The following CLVS2 variants were observed in gnomAD, a reference collection of about 807,000 sequenced individuals.
CLVS2 encodes clavesin 2.
CLVS2 carries 19 observed loss-of-function variants against 29.0 expected under a neutral mutation model. The ratio of observed to expected loss-of-function variants is 0.66; its 90% confidence interval spans 0.46 to 0.96. The LOEUF (loss-of-function observed/expected upper bound fraction) is 0.96, where lower values mean the gene tolerates loss of function less well. Among genes scored for constraint, CLVS2 ranks in the 40% least tolerant of loss-of-function variants. CLVS2 has a pLI of 0.00. For synonymous variants in CLVS2, 161 were observed against 151.3 expected (o/e 1.06, Z -0.47); for missense variants, 294 against 404.1 (o/e 0.73, Z 2.34).
At chr6:123,026,833 T>C (rs1475418310) in intron 3 of CLVS2, among the ~76,000 whole-genome samples, 1 of 152,138 alleles carries the variant, frequency 6.6e-6, no homozygotes, top group Non-Finnish European at 1.5e-5. Flanking sequence ...AAGATAGCCA[T>C]GAATGAAGTT....
rs1772687386 is a variant in CLVS2 at position 123,055,951 on chromosome 6, G to A, written c.821G>A (p.Ser274Asn). The change falls in exon 5 of 6, where the codon AGC becomes AAC. Residue 274 changes from serine to asparagine, a missense_variant. Ser to Asn is a conservative substitution (Grantham distance 46). This residue lies in a region of CLVS2 where 82 missense variants were observed against 67.8 expected (regional missense o/e 1.21). Transcript: ENST00000275162. ...CTAGACCATGAATATGACGATGACA[G>A]CGAGTACAATGTAGACTCCTACAGC... is the stretch of plus-strand genomic sequence containing the variant. ...TLLDHEYDDD[S>N]EYNVDSYSMP... 1.9e-6 allele frequency: 3 copies of A among 1,614,034 alleles called. No individual in the cohort carries two copies. Among genetic ancestry groups the A allele is most frequent in the South Asian group, 1.1e-5 (1 of 91,086 alleles).
intron 3 of CLVS2, among the ~76,000 whole-genome samples, chr6:123,035,906 G>A (rs933361247): frequency 1.3e-5 from 2 of 152,150 alleles, no homozygotes; most frequent in Non-Finnish European, 2.9e-5. Flanking sequence ...ATGCAACAGT[G>A]ATGTGGCTGG....
rs185828333 is a variant in CLVS2 at position 123,042,513 on chromosome 6, C to T, written c.565-6109C>T. Among the ~76,000 whole-genome samples, 169 of 152,256 alleles carry T rather than the reference C, an allele frequency of 1.1e-3. 1 individual carries two copies. The highest frequency in any genetic ancestry group is 1.9e-3 in the Non-Finnish European group (129 of 68,012). On this transcript the variant is annotated intron_variant, in intron 3 of 5. Coordinates refer to ENST00000275162, the MANE Select transcript of CLVS2 (RefSeq NM_001010852.4). The stretch of plus-strand genomic sequence containing the variant: ...GGTGGAGCTGCCTCTGTCATGTGTA[C>T]AATCCCAATTTAAACTCTTATCTCT...
intron 4 of CLVS2, among the ~76,000 whole-genome samples, chr6:123,050,191 A>G (rs1772584034): frequency 6.6e-6 from 1 of 152,184 alleles, no homozygotes; most frequent in Non-Finnish European, 1.5e-5. Context: ...ATTAATTCAT[A>G]TTTTGGAATT....
Position 123,063,829 on chromosome 6 carries a change from C to T in CLVS2, c.*68C>T. 9.5e-7 allele frequency: 1 copy of T among 1,048,962 alleles called. No individual in the cohort carries two copies. The highest frequency in any genetic ancestry group is 1.5e-6 in the Non-Finnish European group (1 of 679,740). 65.0% of individuals were successfully genotyped at this position (1,048,962 alleles called of 1,614,324 possible). The stretch of plus-strand genomic sequence containing the variant: ...TTGGTTTTCAGCAACAGGGACAACA[C>T]TGTAGAGGAATTACCAGCTGGAAAC... On this transcript the variant is annotated 3_prime_UTR_variant, in exon 6 of 6. Coordinates refer to ENST00000275162, the MANE Select transcript of CLVS2 (RefSeq NM_001010852.4).
intron 2 of CLVS2, among the ~76,000 whole-genome samples, chr6:123,005,755 C>A (rs1409370318): frequency 6.6e-6 from 1 of 152,110 alleles, no homozygotes; most frequent in South Asian, 2.1e-4. Context: ...AGGGTGCCAC[C>A]CCTCCACAGT....
intron 3 of CLVS2, among the ~76,000 whole-genome samples, chr6:123,044,608 T>C (rs1184019991): frequency 6.6e-6 from 1 of 152,034 alleles, no homozygotes; most frequent in Non-Finnish European, 1.5e-5. Context: ...ATCTACATAG[T>C]AGGTGTGAAG....
At chr6:123,027,317 G>T (rs1396325173) in intron 3 of CLVS2, among the ~76,000 whole-genome samples, 3 of 152,128 alleles carry the variant, frequency 2.0e-5, no homozygotes, top group Admixed American at 2.0e-4. Flanking sequence ...CATAAAATGG[G>T]ATAATTTTAA....
At chr6:123,043,601 T>G (rs920757563) in intron 3 of CLVS2, among the ~76,000 whole-genome samples, 4 of 152,188 alleles carry the variant, frequency 2.6e-5, no homozygotes, top group African/African-American at 9.7e-5. Context: ...CTGCTTATGT[T>G]CACACTGAAA....
intron 4 of CLVS2, among the ~76,000 whole-genome samples, chr6:123,054,390 ACC>A (rs1772660633): frequency 6.6e-6 from 1 of 151,876 alleles, no homozygotes; most frequent in East Asian, 1.9e-4. Flanking sequence ...GGCCTCTTCC[ACC>A]TCCTGTGGGC....
intron 3 of CLVS2, among the ~76,000 whole-genome samples, chr6:123,022,504 G>T (rs1237963338): frequency 6.6e-6 from 1 of 151,932 alleles, no homozygotes; most frequent in Non-Finnish European, 1.5e-5. Context: ...GGTGGTAGGA[G>T]ATAAATTATT....
chr6:123,046,390 T>C (rs1772510293), intron 3 of CLVS2, among the ~76,000 whole-genome samples: 1 of 152,120 alleles, frequency 6.6e-6, no homozygotes, highest in Non-Finnish European at 1.5e-5. Flanking sequence ...CCAGGTGCAG[T>C]AGCTCACGCC....
intron 2 of CLVS2, among the ~76,000 whole-genome samples, chr6:123,009,711 TA>T (rs895174991): frequency 3.3e-5 from 5 of 152,026 alleles, no homozygotes; most frequent in Admixed American, 6.6e-5. Context: ...GGAAAAAACT[TA>T]AAATGCAAAG....
chr6:123,046,344 T>C (rs1281385961), intron 3 of CLVS2, among the ~76,000 whole-genome samples: 2 of 152,160 alleles, frequency 1.3e-5, no homozygotes, highest in Non-Finnish European at 1.5e-5. Context: ...CATGACCTTC[T>C]TGTGATTCTC....
chr6:123,056,553 T>C (rs143953318), intron 5 of CLVS2, among the ~76,000 whole-genome samples: 1 of 152,314 alleles, frequency 6.6e-6, no homozygotes, highest in East Asian at 1.9e-4. Flanking sequence ...TAATTTGAGG[T>C]AACCTCAACT....
At chr6:123,004,153 A>C (rs916736091) in intron 2 of CLVS2, among the ~76,000 whole-genome samples, 3 of 152,254 alleles carry the variant, frequency 2.0e-5, no homozygotes, top group Non-Finnish European at 4.4e-5. Context: ...ACTTTAGTTA[A>C]CTAGATGTTT....
intron 5 of CLVS2, among the ~76,000 whole-genome samples, chr6:123,058,795 G>A (rs1027101984): frequency 1.3e-5 from 2 of 152,172 alleles, no homozygotes; most frequent in African/African-American, 4.8e-5. Context: ...GGGACTACAA[G>A]TGCCTGTCAC....
intron 3 of CLVS2, among the ~76,000 whole-genome samples, chr6:123,040,653 C>A (rs899450989): frequency 1.3e-5 from 2 of 151,938 alleles, no homozygotes; most frequent in Admixed American, 1.3e-4. Flanking sequence ...ATTAGCTGGG[C>A]GTAGTGGCGG....
intron 3 of CLVS2, among the ~76,000 whole-genome samples, chr6:123,030,330 T>A (rs1251272514): frequency 2.6e-5 from 4 of 152,186 alleles, no homozygotes; most frequent in Admixed American, 6.5e-5. Context: ...TAGTGTTTAA[T>A]CTTCAGTGGA....
Sources: allele counts gnomAD v4.1 joint callset (sites outside exome capture counted in the v4.1 genomes callset), GRCh38; gene constraint gnomAD v4.1.1; regional missense constraint gnomAD v4.1.1; transcripts MANE v1.5; gene names NCBI Gene and HGNC (gene_info 2026-07-23, HGNC 2026-07-21).